The following EAF2 variants were observed in gnomAD, a reference collection of about 807,000 sequenced individuals.
EAF2 encodes ELL-associated factor 2.
A neutral mutation model predicts 29.4 loss-of-function variants in EAF2; 29 were observed. The ratio of observed to expected loss-of-function variants is 0.99; its 90% confidence interval spans 0.73 to 1.35. The LOEUF (loss-of-function observed/expected upper bound fraction) is 1.35, where lower values mean the gene tolerates loss of function less well. Among genes scored for constraint, EAF2 ranks in the 40% most tolerant of loss-of-function variants. EAF2 has a pLI of 0.00. For synonymous variants in EAF2, 103 were observed against 102.5 expected, an observed-to-expected ratio of 1.00 and a Z score of -0.03; for missense variants, 292 against 312.0, an observed-to-expected ratio of 0.94 and a Z score of 0.48.
intron 5 of EAF2, chr3:121,873,261 AACT>A (rs757416027): frequency 6.0e-5 from 29 of 485,112 alleles, no homozygotes; most frequent in Non-Finnish European, 1.0e-4. Context: ...GTCCAAAACC[AACT>A]CATAATCAAT....
intron 1 of EAF2, among the ~76,000 whole-genome samples, chr3:121,842,716 T>TA (rs1380531224): frequency 6.6e-6 from 1 of 152,206 alleles, no homozygotes; most frequent in Non-Finnish European, 1.5e-5. Flanking sequence ...CTGTGATACT[T>TA]ACTCAAGTTC....
At chr3:121,874,956 T>C (rs1005390336) in intron 5 of EAF2, among the ~76,000 whole-genome samples, 1 of 151,380 alleles carries the variant, frequency 6.6e-6, no homozygotes, top group Non-Finnish European at 1.5e-5. Context: ...TATAATAATA[T>C]AATGAGAACT....
chr3:121,876,011 GT>G (rs572142915), intron 5 of EAF2, among the ~76,000 whole-genome samples: 150 of 152,020 alleles, frequency 9.9e-4, no homozygotes, highest in African/African-American at 3.3e-3. Context: ...AGGAGATAGT[GT>G]AAAAACTTAA....
chr3:121,880,703 G>C (rs1286915196), intron 5 of EAF2, among the ~76,000 whole-genome samples: 2 of 151,942 alleles, frequency 1.3e-5, no homozygotes, highest in Non-Finnish European at 2.9e-5. Flanking sequence ...TTTGCAATTT[G>C]GATACCCTTT....
intron 4 of EAF2, among the ~76,000 whole-genome samples, chr3:121,868,017 A>T (rs77085936): frequency 0.084 from 12,814 of 152,266 alleles, 707 homozygotes; most frequent in Middle Eastern, 0.13. Flanking sequence ...GACAAGCAAA[A>T]CAGAGAAATG....
chr3:121,851,342 T>C (rs1321911205), intron 2 of EAF2, among the ~76,000 whole-genome samples: 6 of 144,498 alleles, frequency 4.2e-5, no homozygotes, highest in Admixed American at 1.4e-4. Context: ...CATGCCCAGC[T>C]AATTTTTAGT....
intron 2 of EAF2, among the ~76,000 whole-genome samples, chr3:121,848,066 T>C (rs1708560672): frequency 6.6e-6 from 1 of 152,194 alleles, no homozygotes; most frequent in African/African-American, 2.4e-5. Flanking sequence ...TTTTGCAACA[T>C]CTAAGCTTTA....
At chr3:121,857,227 C>A in intron 4 of EAF2, 71 bp downstream of exon 4, 1 of 1,385,656 alleles carries the variant, frequency 7.2e-7, no homozygotes, top group Non-Finnish European at 9.9e-7. Context: ...GGCATGGTGG[C>A]TCACACCTGT....
intron 5 of EAF2, among the ~76,000 whole-genome samples, chr3:121,879,232 T>A (rs930368068): frequency 7.9e-5 from 12 of 152,316 alleles, no homozygotes; most frequent in African/African-American, 2.9e-4. Flanking sequence ...TGGTATTATA[T>A]GGGGGTTCTT....
chr3:121,884,735 T>A (rs1173395404), intron 5 of EAF2, among the ~76,000 whole-genome samples: 3 of 152,198 alleles, frequency 2.0e-5, no homozygotes, highest in African/African-American at 7.2e-5. Flanking sequence ...CCTCGCAGAT[T>A]TCTTTATCAA....
chr3:121,866,950 A>C (rs1287030853), intron 4 of EAF2, among the ~76,000 whole-genome samples: 1 of 152,162 alleles, frequency 6.6e-6, no homozygotes, highest in South Asian at 2.1e-4. Context: ...CAAAATAGAA[A>C]ATCACATTAA....
chr3:121,840,324 C>A (rs140462597), intron 1 of EAF2, among the ~76,000 whole-genome samples: 1 of 149,818 alleles, frequency 6.7e-6, no homozygotes, highest in Non-Finnish European at 1.5e-5. Context: ...AAGCCCGTTT[C>A]TACTAAAAAT....
intron 1 of EAF2, among the ~76,000 whole-genome samples, chr3:121,839,680 G>A (rs1708368884): frequency 6.6e-6 from 1 of 152,038 alleles, no homozygotes; most frequent in African/African-American, 2.4e-5. Context: ...AAAATAATTA[G>A]AAAACAAGTA....
At chr3:121,859,375 A>C (rs1576646824) in intron 4 of EAF2, among the ~76,000 whole-genome samples, 1 of 152,066 alleles carries the variant, frequency 6.6e-6, no homozygotes, top group Non-Finnish European at 1.5e-5. Flanking sequence ...CTGCTTGAAG[A>C]GGTCCTTCAC....
At chr3:121,862,795 C>G (rs1249876883) in intron 4 of EAF2, among the ~76,000 whole-genome samples, 1 of 152,112 alleles carries the variant, frequency 6.6e-6, no homozygotes. Context: ...CTGGTTTCTC[C>G]CCATCTTTTA....
chr3:121,862,039 T>C (rs949734175), intron 4 of EAF2, among the ~76,000 whole-genome samples: 1 of 152,218 alleles, frequency 6.6e-6, no homozygotes, highest in Non-Finnish European at 1.5e-5. Context: ...CCGAGAGATC[T>C]GCTGTTAGTC....
rs111369577 is a variant in EAF2, at chr3:121,845,459, A to G, written c.201+912A>G. On this transcript the variant is annotated intron_variant, in intron 2 of 5. Coordinates refer to ENST00000273668, the MANE Select transcript of EAF2 (RefSeq NM_018456.6). Reference sequence around the variant, plus strand: ...ACATCTCAAAAAAAAAAAAAAAAAAAAAAGAAAGAAAGAAAAAGAAAAAGA... The same window carrying G: ...ACATCTCAAAAAAAAAAAAAAAAAAGAAAGAAAGAAAGAAAAAGAAAAAGA... Among the ~76,000 whole-genome samples the G allele has an allele frequency of 5.4e-4, 52 of 96,644 alleles. 1 individual carries two copies. The highest frequency in any genetic ancestry group is 1.5e-3 in the South Asian group (4 of 2,642). The allele number at this position is 96,644 out of a possible 152,430, so 63.4% of individuals were successfully genotyped here. A position where few individuals can be genotyped will look rare whatever the true frequency, so the allele number is the denominator to read the frequency against.
intron 4 of EAF2, among the ~76,000 whole-genome samples, chr3:121,869,842 T>C (rs1451171877): frequency 6.6e-6 from 1 of 152,150 alleles, no homozygotes; most frequent in Non-Finnish European, 1.5e-5. Context: ...TGAGCCATAA[T>C]TGTGCCACTG....
chr3:121,882,201 T>C (rs1326343426), intron 5 of EAF2, among the ~76,000 whole-genome samples: 1 of 151,646 alleles, frequency 6.6e-6, no homozygotes, highest in Non-Finnish European at 1.5e-5. Flanking sequence ...ATACAAAAAT[T>C]AGCCAGGCAT....
Sources: gnomAD v4.1 joint callset for allele counts (sites outside exome capture counted in the v4.1 genomes callset) on GRCh38, gnomAD v4.1.1 for gene constraint, MANE v1.5 for transcripts, NCBI Gene and HGNC (gene_info 2026-07-23, HGNC 2026-07-21) for gene names.